DPP6: variants seen among roughly 807,000 people sequenced by gnomAD.
DPP6 encodes dipeptidyl peptidase like 6, also known as A-type potassium channel modulatory protein DPP6.
Under a neutral mutation model 122.6 loss-of-function variants are expected in DPP6, and 69 were observed. The ratio of observed to expected loss-of-function variants is 0.56; its 90% CI spans 0.46 to 0.69. The LOEUF (loss-of-function observed/expected upper bound fraction) is 0.69. Ranked by LOEUF, DPP6 falls within the 30% of genes least tolerant of loss-of-function variation. DPP6 has a pLI of 0.00. For synonymous variants in DPP6, 418 were observed against 433.1 expected, an observed-to-expected ratio of 0.97 and a Z score of 0.43; for missense variants, 928 against 1,116.9, an observed-to-expected ratio of 0.83 and a Z score of 2.41.
At chr7:153,995,313 G>A (rs541460474) in intron 1 of DPP6, among the ~76,000 whole-genome samples, 12 of 152,278 alleles carry the variant, frequency 7.9e-5, no homozygotes, top group Admixed American at 2.0e-4. Flanking sequence ...AGGGCTGGGC[G>A]CGGTGGCTTA....
chr7:154,091,730 C>T (rs397833636), intron 1 of DPP6, among the ~76,000 whole-genome samples: 4,482 of 148,280 alleles, frequency 0.03, 122 homozygotes, highest in African/African-American at 0.079. Context: ...CACGTGGCCT[C>T]AGGAGATAGG....
rs1382396709 is a variant in DPP6 at position 154,403,419 on chromosome 7, G to A, written c.244-42795G>A. Among the ~76,000 whole-genome samples the A allele has an allele frequency of 6.6e-6, 1 of 152,186 alleles. No homozygotes were observed. Among genetic ancestry groups the A allele is most frequent in the African/African-American group, 2.4e-5 (1 of 41,448 alleles). ...GTAGATGCCTCCTGGGTGTTGAAGA[G>A]TCCGAAGGATCCAGAATGGCAGAGA... is the stretch of plus-strand genomic sequence containing the variant. On this transcript the variant is annotated intron_variant, in intron 1 of 25. Transcript: ENST00000377770. This position sits in a 1 kb window ranked among gnomAD's most constrained non-coding sequence, Gnocchi z 4.1.
chr7:154,201,782 G>C (rs886591979), intron 1 of DPP6, among the ~76,000 whole-genome samples: 1 of 152,082 alleles, frequency 6.6e-6, no homozygotes, highest in African/African-American at 2.4e-5. Context: ...CACATCAGTG[G>C]GTCTGCATAC....
chr7:153,853,531 G>C, the DPP6 span, among the ~76,000 whole-genome samples: 34 of 152,248 alleles, frequency 2.2e-4, no homozygotes, highest in Non-Finnish European at 4.7e-4. Flanking sequence ...AGTCTTTTAT[G>C]ATATAACTAA....
At chr7:153,898,929 A>G (rs1377909472) in intron 1 of DPP6, among the ~76,000 whole-genome samples, 1 of 152,208 alleles carries the variant, frequency 6.6e-6, no homozygotes, top group East Asian at 1.9e-4. Flanking sequence ...TCTAATAAGT[A>G]GTTCTTTGCA....
At chr7:154,619,308 A>G (rs1834479789) in intron 5 of DPP6, among the ~76,000 whole-genome samples, 1 of 152,240 alleles carries the variant, frequency 6.6e-6, no homozygotes, top group East Asian at 1.9e-4. Flanking sequence ...AGTATCTTCA[A>G]ATCAACGTAA....
At chr7:153,768,795 CT>C in the DPP6 span, among the ~76,000 whole-genome samples, 4 of 152,130 alleles carry the variant, frequency 2.6e-5, no homozygotes, top group Non-Finnish European at 5.9e-5. Context: ...CTTTTTCAGT[CT>C]CTTAATGGTC....
At position 154,483,203 on chromosome 7, in the gene DPP6, G is replaced by A. The variant is rs528509367; in HGVS notation, c.457+8166G>A. Reference sequence around the variant, plus strand: ...GTCAAGGCAGGAGAAAATGCTCTAGGCGAGTTAGTGTGCTGCCGATTTTGT... The same window carrying A: ...GTCAAGGCAGGAGAAAATGCTCTAGACGAGTTAGTGTGCTGCCGATTTTGT... On this transcript the variant is annotated intron_variant, in intron 3 of 25. Transcript: ENST00000377770. This position sits in a 1 kb window ranked among gnomAD's most constrained non-coding sequence, Gnocchi z 8.1. 2.8e-4 allele frequency among the ~76,000 whole-genome samples: 42 copies of A among 152,200 alleles called. No individual in the cohort carries two copies. The highest frequency in any genetic ancestry group is 1.0e-3 in the Admixed American group (16 of 15,298).
At chr7:154,270,023 T>C (rs2150931753) in intron 1 of DPP6, among the ~76,000 whole-genome samples, 1 of 152,318 alleles carries the variant, frequency 6.6e-6, no homozygotes, top group South Asian at 2.1e-4. Context: ...CCAGCAGCCA[T>C]GTGAGGGTAT....
At chr7:154,212,848 T>TGGGGTA in intron 1 of DPP6, among the ~76,000 whole-genome samples, 1 of 152,048 alleles carries the variant, frequency 6.6e-6, no homozygotes, top group African/African-American at 2.4e-5. Context: ...AGCACACAGG[T>TGGGGTA]GGGGTACTAG....
rs140542859 is a variant in DPP6 at position 154,531,006 on chromosome 7, T to C, written c.458-9526T>C. On this transcript the variant is annotated intron_variant, in intron 3 of 25. Coordinates refer to ENST00000377770, the MANE Select transcript of DPP6 (RefSeq NM_130797.4). ...CACTGGGGCCTATTGAGGGGAGGCG[T>C]TGGGGGAGGGAGAACATCAGGAAGA... 5.7e-3 allele frequency among the ~76,000 whole-genome samples: 870 copies of C among 151,986 alleles called. 6 individuals carry two copies. Among genetic ancestry groups the C allele is most frequent in the Non-Finnish European group, 9.9e-3 (675 of 67,954 alleles).
chr7:154,834,426 A>G (rs1295971640), intron 16 of DPP6, among the ~76,000 whole-genome samples: 1 of 152,166 alleles, frequency 6.6e-6, no homozygotes, highest in Non-Finnish European at 1.5e-5. Context: ...CAGTGAGCTG[A>G]GACCATGCCA....
At chr7:154,023,704 A>G (rs1249151919) in intron 1 of DPP6, among the ~76,000 whole-genome samples, 1 of 151,702 alleles carries the variant, frequency 6.6e-6, no homozygotes, top group Non-Finnish European at 1.5e-5. Context: ...CTGGTCTCGA[A>G]CTCCTGATCT....
chr7:154,735,966 C>T (rs538232738), intron 8 of DPP6, among the ~76,000 whole-genome samples: 77 of 152,368 alleles, frequency 5.1e-4, no homozygotes, highest in African/African-American at 1.8e-3. Context: ...CCCCTGCCAT[C>T]GTCTGCTCTC....
chr7:153,865,037 C>T, the DPP6 span, among the ~76,000 whole-genome samples: 19 of 152,240 alleles, frequency 1.2e-4, no homozygotes, highest in African/African-American at 4.6e-4. Flanking sequence ...CAATATTTGA[C>T]AGTGGTGATG....
chr7:154,839,488 A>G (rs1429232728), intron 16 of DPP6, among the ~76,000 whole-genome samples: 1 of 152,202 alleles, frequency 6.6e-6, no homozygotes, highest in Non-Finnish European at 1.5e-5. Flanking sequence ...CCTCTGTGAA[A>G]TGGGGACGTA....
chr7:154,190,295 T>A (rs1798552958), intron 1 of DPP6, among the ~76,000 whole-genome samples: 1 of 152,142 alleles, frequency 6.6e-6, no homozygotes. Context: ...GATCATTGCA[T>A]CTTTCCCTAG....
rs533954410 is a variant in DPP6 at position 153,972,895 on chromosome 7, G to A, written c.51+85161G>A. On this transcript the variant is annotated intron_variant, in intron 1 of 25. Coordinates refer to the DPP6 transcript ENST00000404039. Reference sequence around the variant, plus strand: ...GTGAAACTCACATAAAATAGACCACGTGAAGACATTTAGGAATTTATTTAA... The same window carrying A: ...GTGAAACTCACATAAAATAGACCACATGAAGACATTTAGGAATTTATTTAA... 9.9e-5 allele frequency among the ~76,000 whole-genome samples: 15 copies of A among 151,860 alleles called. No homozygotes were observed. The East Asian group carries it at 1.7e-3, about 18-fold the overall frequency.
intron 1 of DPP6, among the ~76,000 whole-genome samples, chr7:154,185,808 A>G (rs1401934686): frequency 6.6e-6 from 1 of 152,240 alleles, no homozygotes; most frequent in African/African-American, 2.4e-5. Flanking sequence ...TAAAGATGAG[A>G]TAATATGAGT....
Sources: allele counts gnomAD v4.1 joint callset (sites outside exome capture counted in the v4.1 genomes callset), GRCh38; gene constraint gnomAD v4.1.1; non-coding constraint Gnocchi (gnomAD v3.1); transcripts MANE v1.5; gene names NCBI Gene and HGNC (gene_info 2026-07-23, HGNC 2026-07-21).